Variants in LAMA2 observed in about 807,000 individuals in gnomAD.
LAMA2 encodes the protein laminin subunit alpha 2.
In LAMA2, 269 loss-of-function variants were observed where a neutral mutation model predicts 364.8. The ratio of observed to expected loss-of-function variants is 0.74; its 90% CI spans 0.67 to 0.82. The LOEUF is 0.82. Ranked by LOEUF, LAMA2 falls within the 40% of genes least tolerant of loss-of-function variation. The pLI is 0.00. For missense variants in LAMA2, 3,807 were observed against 3,873.2 expected (o/e 0.98, Z 0.45); for synonymous variants, 1,379 against 1,370.6 (o/e 1.01, Z -0.14).
intron 54 of LAMA2, chr6:129,479,898 C>T (rs1784267029): frequency 6.6e-6 from 1 of 152,080 alleles, no homozygotes; most frequent in East Asian, 1.9e-4. Context: ...ACATTAAGAA[C>T]TAAAACTGTA....
At chr6:128,930,053 C>T (rs1211726115) in intron 1 of LAMA2, 1 of 385,016 alleles carries the variant, frequency 2.6e-6, no homozygotes, top group Non-Finnish European at 4.7e-6. Flanking sequence ...GCGCCCGCAG[C>T]CCTGCAGGGC....
At chr6:129,404,484 G>A (rs6899685) in intron 40 of LAMA2, among the ~76,000 whole-genome samples, 76,360 of 151,906 alleles carry the variant, frequency 0.5, 19,685 homozygotes, top group African/African-American at 0.62. Flanking sequence ...ATCATTGTTC[G>A]TAATACATTT....
At chr6:129,363,025 T>C (rs965655742) in intron 32 of LAMA2, among the ~76,000 whole-genome samples, 2 of 152,188 alleles carry the variant, frequency 1.3e-5, no homozygotes, top group Non-Finnish European at 2.9e-5. Context: ...TACTGGAATA[T>C]TTTTAAAATA....
chr6:129,114,750 T>A (rs1370135244), intron 4 of LAMA2, among the ~76,000 whole-genome samples: 2 of 152,022 alleles, frequency 1.3e-5, no homozygotes, highest in African/African-American at 4.8e-5. Flanking sequence ...GACCTACTCC[T>A]TTGTACATTT....
At chr6:129,452,356 A>T (rs1286049187) in intron 45 of LAMA2, among the ~76,000 whole-genome samples, 2 of 152,186 alleles carry the variant, frequency 1.3e-5, no homozygotes, top group African/African-American at 4.8e-5. Flanking sequence ...TGTTAAATAC[A>T]TTAATAGTGA....
intron 3 of LAMA2, among the ~76,000 whole-genome samples, chr6:129,085,321 G>A (rs1327686218): frequency 1.3e-5 from 2 of 152,154 alleles, no homozygotes; most frequent in Non-Finnish European, 2.9e-5. Context: ...CAGGACACAT[G>A]GCATTACAGA....
At chr6:129,325,248 C>T (rs7753862) in intron 28 of LAMA2, among the ~76,000 whole-genome samples, 46,207 of 151,962 alleles carry the variant, frequency 0.3, 7,329 homozygotes, top group Non-Finnish European at 0.32. Context: ...ATAATTTCAA[C>T]AGTGGGGAAG....
intron 3 of LAMA2, among the ~76,000 whole-genome samples, chr6:129,083,887 T>C (rs1774217389): frequency 6.6e-6 from 1 of 152,194 alleles, no homozygotes; most frequent in African/African-American, 2.4e-5. Context: ...TTATGTTTTG[T>C]AATCCTCACA....
rs193008111 is a variant in LAMA2 at position 129,461,203 on chromosome 6, G to A, written c.6992+879G>A. ...AACAGCAACTCAAAAACCATTAAGT[G>A]CTAAGGAGTTTGTGTTATTTTCCAT... On this transcript the variant is annotated intron_variant, in intron 49 of 64. Coordinates refer to ENST00000421865, the MANE Select transcript of LAMA2 (RefSeq NM_000426.4). Among the ~76,000 whole-genome samples the A allele has an allele frequency of 1.4e-3, 219 of 152,062 alleles. 1 individual carries two copies. Among genetic ancestry groups the A allele is most frequent in the African/African-American group, 5.0e-3 (209 of 41,524 alleles).
intron 12 of LAMA2, among the ~76,000 whole-genome samples, chr6:129,200,427 T>TAC (rs757627169): frequency 2.0e-5 from 3 of 149,040 alleles, no homozygotes; most frequent in Non-Finnish European, 4.5e-5. Context: ...TACGTGTATA[T>TAC]GTGTACACAT....
At chr6:128,952,546 G>C (rs889366040) in intron 1 of LAMA2, among the ~76,000 whole-genome samples, 2 of 152,066 alleles carry the variant, frequency 1.3e-5, no homozygotes, top group Non-Finnish European at 2.9e-5. Flanking sequence ...ATTAAAGCTT[G>C]ATTGTTCAGA....
chr6:128,890,866 G>A (rs1366339083), intron 1 of LAMA2, among the ~76,000 whole-genome samples: 1 of 152,044 alleles, frequency 6.6e-6, no homozygotes, highest in East Asian at 1.9e-4. Context: ...ATATACCTAA[G>A]AATCAGAGCA....
At chr6:129,449,819 T>A (rs1782576516) in intron 45 of LAMA2, among the ~76,000 whole-genome samples, 1 of 149,688 alleles carries the variant, frequency 6.7e-6, no homozygotes. Context: ...TTTTTTTTTT[T>A]TTGAGATGGA....
Position 129,252,180 on chromosome 6 carries a change from A to G in LAMA2, c.1981A>G (p.Thr661Ala). The stretch of plus-strand genomic sequence containing the variant: ...ATTGTTACTTAAAGAAGAATCATTT[A>G]CCATACATGGCACACATTTTCCAGT... ...NVLLLKEESF[T>A]IHGTHFPVRR... is the part of the protein sequence containing the mutation. Residue 661 changes from threonine (T) to alanine (A), a missense_variant, in exon 14 of 65, where the codon ACC (threonine) becomes GCC (alanine). Physicochemically the swap from Thr to Ala is moderately conservative, Grantham distance 58. Coordinates refer to ENST00000421865, the MANE Select transcript of LAMA2 (RefSeq NM_000426.4). The G allele has an allele frequency of 1.9e-6, 3 of 1,613,734 alleles. No homozygotes were observed. In the South Asian group the frequency reaches 3.3e-5, roughly 18 times the overall value.
Position 129,169,603 on chromosome 6 carries a change from G to T in LAMA2, c.1306+3928G>T, listed in dbSNP as rs1211009655. 2.3e-3 allele frequency among the ~76,000 whole-genome samples: 340 copies of T among 150,982 alleles called. 1 individual carries two copies. Among genetic ancestry groups the T allele is most frequent in the African/African-American group, 7.3e-3 (301 of 41,054 alleles). ...GGATTTTTGCATCAATGTTCATCAA[G>T]GATATTGGTCTAAAATTCTCTTTTT... is the stretch of plus-strand genomic sequence containing the variant. On this transcript the variant is annotated intron_variant, in intron 9 of 64. Coordinates refer to ENST00000421865, the MANE Select transcript of LAMA2 (RefSeq NM_000426.4).
intron 12 of LAMA2, among the ~76,000 whole-genome samples, chr6:129,212,054 G>T (rs112891190): frequency 0.053 from 8,105 of 152,236 alleles, 251 homozygotes; most frequent in Non-Finnish European, 0.061. Context: ...TACAAAAAGT[G>T]TTGGATTTAA....
At chr6:129,020,247 T>C (rs1020233205) in intron 1 of LAMA2, among the ~76,000 whole-genome samples, 3 of 152,176 alleles carry the variant, frequency 2.0e-5, no homozygotes, top group African/African-American at 7.2e-5. Flanking sequence ...AGAATGGTAA[T>C]CTCCATACTT....
chr6:129,035,295 T>C (rs1053162858), intron 1 of LAMA2, among the ~76,000 whole-genome samples: 1 of 150,000 alleles, frequency 6.7e-6, no homozygotes, highest in Non-Finnish European at 1.5e-5. Context: ...TCTTTTCTTT[T>C]CTTTTCTTTT....
chr6:129,333,382 A>G (rs1775770177), intron 29 of LAMA2, among the ~76,000 whole-genome samples: 1 of 152,120 alleles, frequency 6.6e-6, no homozygotes, highest in Admixed American at 6.5e-5. Flanking sequence ...TATAAGAAAA[A>G]CATTTCTTGT....
Sources: gnomAD v4.1 joint callset for allele counts (sites outside exome capture counted in the v4.1 genomes callset) on GRCh38, gnomAD v4.1.1 for gene constraint, MANE v1.5 for transcripts, NCBI Gene and HGNC (gene_info 2026-07-23, HGNC 2026-07-21) for gene names.